The following LRMDA variants were observed in gnomAD, a reference collection of about 807,000 sequenced individuals.
LRMDA encodes leucine-rich melanocyte differentiation-associated protein.
LRMDA carries 18 observed loss-of-function variants against 29.8 expected under a neutral mutation model. The ratio of observed to expected loss-of-function variants is 0.60; its 90% CI spans 0.42 to 0.90. The LOEUF (loss-of-function observed/expected upper bound fraction) is 0.90, where lower values mean the gene tolerates loss of function less well. Ranked by LOEUF, LRMDA falls within the 40% of genes least tolerant of loss-of-function variation. The probability of loss-of-function intolerance (pLI) is 0.00; values close to 1 mark genes in which losing one functional copy is unlikely to be tolerated. For missense variants in LRMDA, 273 were observed against 273.9 expected (o/e 1.00, Z 0.02); for synonymous variants, 125 against 109.4 (o/e 1.14, Z -0.89).
At chr10:75,573,096 C>T (rs1000370525) in intron 2 of LRMDA, among the ~76,000 whole-genome samples, 2 of 152,200 alleles carry the variant, frequency 1.3e-5, no homozygotes, top group Non-Finnish European at 2.9e-5. Flanking sequence ...GTGGCAGCCC[C>T]AACAGACTAA....
At chr10:76,106,397 T>C (rs190439486) in intron 5 of LRMDA, among the ~76,000 whole-genome samples, 1 of 152,312 alleles carries the variant, frequency 6.6e-6, no homozygotes, top group East Asian at 1.9e-4. Flanking sequence ...ATCAATAGCG[T>C]ATGGAGAATG....
intron 2 of LRMDA, among the ~76,000 whole-genome samples, chr10:75,447,124 T>C (rs1326506698): frequency 1.3e-5 from 2 of 152,194 alleles, no homozygotes; most frequent in Non-Finnish European, 2.9e-5. Context: ...GGCACTGATA[T>C]ATCCTGACTG....
chr10:76,378,611 TG>T (rs746972513), intron 6 of LRMDA, among the ~76,000 whole-genome samples: 5 of 152,146 alleles, frequency 3.3e-5, no homozygotes, highest in Admixed American at 6.5e-5. Flanking sequence ...TTTTATTGAC[TG>T]TTTTTTTTCT....
At chr10:76,114,101 A>T (rs945068836) in intron 5 of LRMDA, among the ~76,000 whole-genome samples, 5 of 152,176 alleles carry the variant, frequency 3.3e-5, no homozygotes, top group African/African-American at 1.2e-4. Flanking sequence ...CACTCTGTAA[A>T]GATGATAAAT....
chr10:76,084,205 T>C (rs546190917), intron 5 of LRMDA, among the ~76,000 whole-genome samples: 94 of 151,984 alleles, frequency 6.2e-4, no homozygotes, highest in African/African-American at 2.2e-3. Flanking sequence ...TATTTATTTA[T>C]TTATTTATTT....
At chr10:75,964,772 G>C (rs1846827842) in intron 2 of LRMDA, among the ~76,000 whole-genome samples, 1 of 152,082 alleles carries the variant, frequency 6.6e-6, no homozygotes. Context: ...GTTTGTTTTT[G>C]TTGTTGTTGT....
chr10:75,961,767 G>T (rs888940421), intron 2 of LRMDA, among the ~76,000 whole-genome samples: 20 of 152,230 alleles, frequency 1.3e-4, no homozygotes, highest in African/African-American at 4.8e-4. Context: ...CCATAACAAA[G>T]TACTGCACGT....
chr10:75,889,329 C>T (rs566131873), intron 2 of LRMDA, among the ~76,000 whole-genome samples: 1 of 152,316 alleles, frequency 6.6e-6, no homozygotes, highest in African/African-American at 2.4e-5. Flanking sequence ...AATCATCTTT[C>T]CTTTCACAAG....
At chr10:76,254,109 TG>T (rs1350294450) in intron 5 of LRMDA, among the ~76,000 whole-genome samples, 1 of 152,182 alleles carries the variant, frequency 6.6e-6, no homozygotes, top group Non-Finnish European at 1.5e-5. Context: ...CACTAGAATA[TG>T]CCCCATACAG....
At chr10:75,798,130 C>A (rs968133600) in intron 2 of LRMDA, among the ~76,000 whole-genome samples, 2 of 151,970 alleles carry the variant, frequency 1.3e-5, no homozygotes, top group African/African-American at 4.8e-5. Flanking sequence ...AAAAAACATT[C>A]AAATCCTTTG....
At chr10:75,646,921 C>T (rs1017772160) in intron 2 of LRMDA, among the ~76,000 whole-genome samples, 1 of 152,212 alleles carries the variant, frequency 6.6e-6, no homozygotes, top group Non-Finnish European at 1.5e-5. Flanking sequence ...CTTAGGAGGA[C>T]AGGGACCTGC....
intron 2 of LRMDA, 96 bp downstream of exon 2, chr10:75,438,590 C>T: frequency 1.1e-6 from 1 of 895,880 alleles, no homozygotes; most frequent in Non-Finnish European, 1.8e-6. Context: ...GTTCCAACTC[C>T]ACATGGGTTG....
rs183000199 is a variant in LRMDA, at chr10:75,631,409, C to G, written c.131+192915C>G. ...AGGCAGTGAACCTCACTGCACCCCC[C>G]CCGCCCCGCCACCCAACATGTTGCC... On this transcript the variant is annotated intron_variant, in intron 2 of 6. Coordinates refer to ENST00000611255, the MANE Select transcript of LRMDA (RefSeq NM_001305581.2). 5.7e-3 allele frequency among the ~76,000 whole-genome samples: 860 copies of G among 152,102 alleles called. 6 individuals are homozygous for G. The highest frequency in any genetic ancestry group is 0.014 in the Middle Eastern group (4 of 294).
At chr10:75,786,081 G>C (rs139530589) in intron 2 of LRMDA, among the ~76,000 whole-genome samples, 1 of 152,328 alleles carries the variant, frequency 6.6e-6, no homozygotes, top group South Asian at 2.1e-4. Context: ...CACTGCATGC[G>C]ATATGCTGGA....
In LRMDA at chr10:75,469,582, ATGTGCG is replaced by A. The variant is rs986261672; in HGVS notation, c.131+31093_131+31098del. Among the ~76,000 whole-genome samples the A allele has an allele frequency of 5.8e-4, 69 of 118,096 alleles. 1 individual carries two copies. The highest frequency in any genetic ancestry group is 2.6e-3 in the African/African-American group (57 of 22,228). 77.5% of individuals were successfully genotyped at this position (118,096 alleles called of 152,430 possible). A position where few individuals can be genotyped will look rare whatever the true frequency, so the allele number is the denominator to read the frequency against. ...ACTGGCTGCCCATGTGTGTGAGTGT[ATGTGCG>A]TGTGTGTGTGTGTGTGTTTGTTGAA... On this transcript the variant is annotated intron_variant, in intron 2 of 6. Coordinates refer to ENST00000611255, the MANE Select transcript of LRMDA (RefSeq NM_001305581.2).
chr10:75,493,093 C>T (rs749091457), intron 2 of LRMDA, among the ~76,000 whole-genome samples: 4 of 152,052 alleles, frequency 2.6e-5, no homozygotes, highest in Non-Finnish European at 5.9e-5. Flanking sequence ...TCAAGCACAA[C>T]TAACAAAGGG....
intron 6 of LRMDA, among the ~76,000 whole-genome samples, chr10:76,364,247 G>T (rs1211149183): frequency 6.6e-6 from 1 of 152,138 alleles, no homozygotes; most frequent in Non-Finnish European, 1.5e-5. Context: ...AAATTTCGCT[G>T]AGTTGATATC....
chr10:75,773,665 T>C (rs1420882270), intron 2 of LRMDA, among the ~76,000 whole-genome samples: 1 of 152,216 alleles, frequency 6.6e-6, no homozygotes, highest in Non-Finnish European at 1.5e-5. Context: ...CAGTGAGTAA[T>C]ATTTGTTCCA....
At chr10:76,218,300 G>A (rs1851765957) in intron 5 of LRMDA, among the ~76,000 whole-genome samples, 1 of 152,198 alleles carries the variant, frequency 6.6e-6, no homozygotes, top group Non-Finnish European at 1.5e-5. Flanking sequence ...CAGACTGTCT[G>A]CTGAGTGCAG....
Sources: allele counts gnomAD v4.1 joint callset (sites outside exome capture counted in the v4.1 genomes callset), GRCh38; gene constraint gnomAD v4.1.1; transcripts MANE v1.5; gene names NCBI Gene and HGNC (gene_info 2026-07-23, HGNC 2026-07-21).